ARHGAP18: variants seen among roughly 807,000 people sequenced by gnomAD.
ARHGAP18 encodes the protein Rho GTPase activating protein 18, also known as rho GTPase-activating protein 18.
ARHGAP18 carries 67 observed loss-of-function variants against 86.2 expected under a neutral mutation model. The ratio of observed to expected loss-of-function variants is 0.78; its 90% CI spans 0.64 to 0.95. The LOEUF (loss-of-function observed/expected upper bound fraction) is 0.95. Among genes scored for constraint, ARHGAP18 ranks in the 40% least tolerant of loss-of-function variants. The pLI is 0.00. For missense variants in ARHGAP18, 691 were observed against 780.4 expected, an observed-to-expected ratio of 0.89 and a Z score of 1.37; for synonymous variants, 283 against 280.4, an observed-to-expected ratio of 1.01 and a Z score of -0.09.
chr6:129,693,931 G>A (rs1343349926), intron 1 of ARHGAP18, among the ~76,000 whole-genome samples: 3 of 152,104 alleles, frequency 2.0e-5, no homozygotes, highest in Non-Finnish European at 2.9e-5. Context: ...AATGCCAGTC[G>A]ACGTCAAGGC....
intron 13 of ARHGAP18, among the ~76,000 whole-genome samples, chr6:129,583,314 C>A (rs1309358673): frequency 6.6e-6 from 1 of 152,164 alleles, no homozygotes; most frequent in African/African-American, 2.4e-5. Flanking sequence ...ATACAATATA[C>A]TTGTTAGGAT....
chr6:129,671,348 G>A (rs1048860274), intron 1 of ARHGAP18, among the ~76,000 whole-genome samples: 1 of 152,136 alleles, frequency 6.6e-6, no homozygotes, highest in Non-Finnish European at 1.5e-5. Flanking sequence ...CATTCTGCAT[G>A]AGAAATACAA....
intron 1 of ARHGAP18, among the ~76,000 whole-genome samples, chr6:129,666,607 C>G (rs1774045937): frequency 6.6e-6 from 1 of 152,230 alleles, no homozygotes; most frequent in African/African-American, 2.4e-5. Flanking sequence ...GGCCCCCACT[C>G]TGGGATGCCT....
intron 12 of ARHGAP18, among the ~76,000 whole-genome samples, chr6:129,598,197 A>G (rs915106327): frequency 6.6e-6 from 1 of 152,166 alleles, no homozygotes; most frequent in Non-Finnish European, 1.5e-5. Context: ...TTAGGATAAT[A>G]TCAAGGCCTT....
intron 13 of ARHGAP18, 38 bp from the exon 14 acceptor site, chr6:129,580,169 A>T: frequency 6.4e-7 from 1 of 1,567,728 alleles, no homozygotes. Context: ...TTGTATCATC[A>T]AACAGCTTGC....
chr6:129,650,859 A>G (rs781710255), intron 1 of ARHGAP18, among the ~76,000 whole-genome samples: 22 of 152,040 alleles, frequency 1.4e-4, no homozygotes, highest in Admixed American at 2.6e-4. Flanking sequence ...TCCAGCTGTC[A>G]TTACTCAATT....
rs560419349 is a variant in ARHGAP18 at position 129,652,613 on chromosome 6, A to G, written c.114-10595T>C. ...TTTGCCAACACACCTTAAACATGCAATACAGATAAATTTACGCCAAGATAC... is the reference window on the plus strand; with the variant it reads ...TTTGCCAACACACCTTAAACATGCAGTACAGATAAATTTACGCCAAGATAC... On this transcript the variant is annotated intron_variant, in intron 1 of 14. Coordinates refer to ENST00000368149, the MANE Select transcript of ARHGAP18 (RefSeq NM_033515.3). Among the ~76,000 whole-genome samples the G allele has an allele frequency of 2.6e-5, 4 of 152,350 alleles. No individual in the cohort carries two copies. The South Asian group carries it at 8.3e-4, about 32-fold the overall frequency.
Position 129,707,316 on chromosome 6 carries a change from T to C in ARHGAP18, c.113+2708A>G, listed in dbSNP as rs142128877. ...ATGGCATTATAAAGACATGAATTCA[T>C]CTCATGAACTAAATATTGGATTAAA... On this transcript the variant is annotated intron_variant, in intron 1 of 14. Transcript: ENST00000368149. Among the ~76,000 whole-genome samples, 472 of 152,198 alleles carry C rather than the reference T, an allele frequency of 3.1e-3. 6 individuals are homozygous for C. Among genetic ancestry groups the C allele is most frequent in the African/African-American group, 0.011 (450 of 41,530 alleles).
chr6:129,638,634 G>C lies in ARHGAP18; in HGVS notation c.317-5C>G, dbSNP rs778715109. 1 of 1,608,286 alleles carries C rather than the reference G, an allele frequency of 6.2e-7. No homozygotes were observed. Among genetic ancestry groups the C allele is most frequent in the Non-Finnish European group, 8.5e-7 (1 of 1,177,796 alleles). On this transcript the variant is annotated splice_region_variant and splice_polypyrimidine_tract_variant and intron_variant, in intron 2 of 14. Transcript: ENST00000368149. ...ACTCTTCTTCCAATTCTCCCTCTAA[G>C]ACAGTAGAGAAAAGTGGTACTTAAA...
chr6:129,637,272 C>A (rs546399493), intron 3 of ARHGAP18, among the ~76,000 whole-genome samples: 2 of 152,166 alleles, frequency 1.3e-5, no homozygotes, highest in East Asian at 3.9e-4. Flanking sequence ...GCTATGTTGC[C>A]CAGGCTGGTC....
intron 1 of ARHGAP18, among the ~76,000 whole-genome samples, chr6:129,694,457 C>A (rs1774580183): frequency 6.6e-6 from 1 of 152,116 alleles, no homozygotes. Flanking sequence ...TGGCAGTGAT[C>A]CTTACCTAAA....
rs181836918 is a variant in ARHGAP18 at position 129,625,384 on chromosome 6, T to A, written c.786+3969A>T. ...ATGTATATTTATATATATTATATAT[T>A]ATATATTTATACATATGTATTATAT... On this transcript the variant is annotated intron_variant, in intron 5 of 14. Coordinates refer to ENST00000368149, the MANE Select transcript of ARHGAP18 (RefSeq NM_033515.3). Among the ~76,000 whole-genome samples the A allele has an allele frequency of 2.6e-5, 2 of 78,164 alleles. 1 individual carries two copies. The highest frequency in any genetic ancestry group is 1.5e-4 in the African/African-American group (2 of 13,530). 51.3% of individuals were successfully genotyped at this position (78,164 alleles called of 152,430 possible).
At chr6:129,591,329 G>A (rs1363378934) in intron 12 of ARHGAP18, among the ~76,000 whole-genome samples, 1 of 152,012 alleles carries the variant, frequency 6.6e-6, no homozygotes, top group Non-Finnish European at 1.5e-5. Context: ...TCTGTCTCCT[G>A]CTTTTTTTTC....
At chr6:129,583,432 C>A (rs559911229) in intron 13 of ARHGAP18, among the ~76,000 whole-genome samples, 1 of 152,234 alleles carries the variant, frequency 6.6e-6, no homozygotes, top group East Asian at 1.9e-4. Context: ...CCATCAACCC[C>A]AAAATATAGA....
intron 1 of ARHGAP18, among the ~76,000 whole-genome samples, chr6:129,655,373 C>T (rs555169830): frequency 1.7e-4 from 25 of 149,900 alleles, no homozygotes; most frequent in African/African-American, 6.1e-4. Flanking sequence ...AAAACAGAGC[C>T]TGTAGAGACC....
rs760713815 is a variant in ARHGAP18 at position 129,669,172 on chromosome 6, C to CT, written c.114-27155dup. Among the ~76,000 whole-genome samples, 1,422 of 144,868 alleles carry CT rather than the reference C, an allele frequency of 9.8e-3. 19 individuals are homozygous for CT. The highest frequency in any genetic ancestry group is 0.028 in the African/African-American group (1,102 of 39,696). ...TGCTGTGCTTGGCATCTAACACGCA[C>CT]TTTTTTTTTTTTTTCTTGAGACGGA... On this transcript the variant is annotated intron_variant, in intron 1 of 14. Transcript: ENST00000368149.
Position 129,625,292 on chromosome 6 carries a change from G to T in ARHGAP18, c.786+4061C>A, listed in dbSNP as rs1183827650. Among the ~76,000 whole-genome samples the T allele has an allele frequency of 9.9e-5, 7 of 70,672 alleles. 1 individual carries two copies. The highest frequency in any genetic ancestry group is 2.9e-4 in the African/African-American group (5 of 17,228). The allele number at this position is 70,672 out of a possible 152,430, so 46.4% of individuals were successfully genotyped here. On this transcript the variant is annotated intron_variant, in intron 5 of 14. Transcript: ENST00000368149. Reference sequence around the variant, plus strand: ...ATATATATTTATATGTAATATATATGATATATGATATATATTTATATGTAA... The same window carrying T: ...ATATATATTTATATGTAATATATATTATATATGATATATATTTATATGTAA...
At chr6:129,633,238 G>A (rs939127565) in intron 4 of ARHGAP18, among the ~76,000 whole-genome samples, 1 of 147,156 alleles carries the variant, frequency 6.8e-6, no homozygotes, top group Non-Finnish European at 1.5e-5. Flanking sequence ...GACCAGCCTC[G>A]CCAACATGGT....
In ARHGAP18 at chr6:129,608,068, A is replaced by T. The variant is rs1562687817; in HGVS notation, c.1123-16T>A. The T allele has an allele frequency of 7.9e-6, 8 of 1,008,522 alleles. No homozygotes were observed. The highest frequency in any genetic ancestry group is 1.9e-5 in the African/African-American group (1 of 53,014). The allele number at this position is 1,008,522 out of a possible 1,614,324, so 62.5% of individuals were successfully genotyped here. ...GGCAAAGATTCTGATAGGCACGAAA[A>T]AAAAAAAAAAAAAAAAAAGAAGCAG... On this transcript the variant is annotated splice_polypyrimidine_tract_variant and intron_variant, in intron 8 of 14. Transcript: ENST00000368149.
Sources: allele counts gnomAD v4.1 joint callset (sites outside exome capture counted in the v4.1 genomes callset), GRCh38; gene constraint gnomAD v4.1.1; transcripts MANE v1.5; gene names NCBI Gene and HGNC (gene_info 2026-07-23, HGNC 2026-07-21).